UTRN: variants seen among roughly 807,000 people sequenced by gnomAD.
UTRN encodes the protein dystrophin-related protein 1.
In UTRN, 283 loss-of-function variants were observed where a neutral mutation model predicts 463.9. The observed-to-expected ratio is 0.61, with a 90% confidence interval of 0.55 to 0.67. The LOEUF is 0.67. Ranked by LOEUF, UTRN falls within the 30% of genes least tolerant of loss-of-function variation. The pLI is 0.00. For missense variants in UTRN, 3,922 were observed against 4,084.3 expected (o/e 0.96, Z 1.08); for synonymous variants, 1,442 against 1,431.5 (o/e 1.01, Z -0.17).
At chr6:144,808,508 A>G (rs1778340177) in intron 65 of UTRN, among the ~76,000 whole-genome samples, 1 of 152,108 alleles carries the variant, frequency 6.6e-6, no homozygotes, top group African/African-American at 2.4e-5. Flanking sequence ...ATGTTGTTAG[A>G]GCATATAAAA....
intron 2 of UTRN, among the ~76,000 whole-genome samples, chr6:144,305,468 T>C (rs73585088): frequency 0.06 from 9,205 of 152,286 alleles, 911 homozygotes; most frequent in African/African-American, 0.21. Context: ...GAATCTTAAA[T>C]TAATATGAAA....
chr6:144,476,531 T>C (rs1242966354), intron 25 of UTRN, among the ~76,000 whole-genome samples: 1 of 152,190 alleles, frequency 6.6e-6, no homozygotes, highest in Admixed American at 6.5e-5. Flanking sequence ...TGGTGTCATT[T>C]ACTGCAATAA....
chr6:144,765,874 T>A (rs540068688), intron 58 of UTRN, among the ~76,000 whole-genome samples: 12 of 151,602 alleles, frequency 7.9e-5, no homozygotes, highest in African/African-American at 2.9e-4. Flanking sequence ...CTTATTTGAA[T>A]TTTGGACAGA....
At chr6:144,573,662 C>T (rs1801164905) in intron 50 of UTRN, among the ~76,000 whole-genome samples, 1 of 151,930 alleles carries the variant, frequency 6.6e-6, no homozygotes, top group Admixed American at 6.6e-5. Context: ...CACCACTGCA[C>T]TCCAGCCTTG....
At chr6:144,339,438 G>T (rs562041138) in intron 2 of UTRN, among the ~76,000 whole-genome samples, 1 of 152,016 alleles carries the variant, frequency 6.6e-6, no homozygotes, top group East Asian at 1.9e-4. Context: ...CTATAGATTA[G>T]TTCATAGATT....
At chr6:144,811,081 A>C (rs914154014) in intron 65 of UTRN, among the ~76,000 whole-genome samples, 4 of 152,108 alleles carry the variant, frequency 2.6e-5, no homozygotes, top group Non-Finnish European at 5.9e-5. Context: ...AAAAATATCG[A>C]ATTTCTGTTT....
intron 58 of UTRN, 55 bp from the exon 59 acceptor site, chr6:144,771,852 A>G (rs1170042116): frequency 8.3e-6 from 12 of 1,440,688 alleles, no homozygotes; most frequent in Non-Finnish European, 1.1e-5. Context: ...TTTTTGGCCT[A>G]TATGAAGTTT....
chr6:144,795,054 A>T (rs557663638), intron 63 of UTRN, among the ~76,000 whole-genome samples: 36 of 152,050 alleles, frequency 2.4e-4, no homozygotes, highest in Non-Finnish European at 4.3e-4. Context: ...CCAGTGTGTG[A>T]TGTTCCCCTC....
intron 27 of UTRN, among the ~76,000 whole-genome samples, chr6:144,485,182 C>A (rs1369533052): frequency 6.6e-6 from 1 of 152,098 alleles, no homozygotes; most frequent in Non-Finnish European, 1.5e-5. Context: ...CTTCAGCCTC[C>A]CAAAGTGCTG....
At chr6:144,619,038 G>A (rs1775071930) in intron 51 of UTRN, among the ~76,000 whole-genome samples, 2 of 152,088 alleles carry the variant, frequency 1.3e-5, no homozygotes, top group African/African-American at 2.4e-5. Context: ...AGAATCATTC[G>A]ATTTTGCTGA....
At chr6:144,585,834 G>GA (rs1472084426) in intron 51 of UTRN, among the ~76,000 whole-genome samples, 2 of 151,660 alleles carry the variant, frequency 1.3e-5, no homozygotes, top group African/African-American at 4.8e-5. Context: ...TAGTTTCTTA[G>GA]AAAAAAATGC....
intron 50 of UTRN, 46 bp from the exon 51 acceptor site, chr6:144,577,053 C>T: frequency 6.3e-7 from 1 of 1,581,316 alleles, no homozygotes; most frequent in Non-Finnish European, 8.6e-7. Context: ...TGGAATGTCA[C>T]AACACTGTAA....
intron 66 of UTRN, among the ~76,000 whole-genome samples, chr6:144,824,642 C>T (rs753192097): frequency 5.9e-5 from 3 of 50,430 alleles, no homozygotes; most frequent in East Asian, 1.8e-3. Context: ...TTTTTTGAGA[C>T]GGGGTCCAGT....
chr6:144,344,661 G>T (rs1412232028), intron 2 of UTRN, among the ~76,000 whole-genome samples: 1 of 152,208 alleles, frequency 6.6e-6, no homozygotes, highest in Admixed American at 6.5e-5. Context: ...TAGAGAAGAA[G>T]CCTCCTTTGT....
chr6:144,585,330 A>G (rs1472779657), intron 51 of UTRN, among the ~76,000 whole-genome samples: 1 of 152,152 alleles, frequency 6.6e-6, no homozygotes, highest in Non-Finnish European at 1.5e-5. Flanking sequence ...TTGAAATACT[A>G]TCTTCCACGT....
At chr6:144,396,196 T>TA (rs753107808) in intron 2 of UTRN, among the ~76,000 whole-genome samples, 1 of 152,186 alleles carries the variant, frequency 6.6e-6, no homozygotes, top group Admixed American at 6.5e-5. Context: ...TTTACCCTTA[T>TA]AAAAGAATGA....
chr6:144,390,261 A>G (rs944488881), intron 2 of UTRN, among the ~76,000 whole-genome samples: 7 of 152,108 alleles, frequency 4.6e-5, no homozygotes, highest in East Asian at 3.9e-4. Flanking sequence ...TCTCTCTTCA[A>G]TTCAATACCT....
chr6:144,553,506 C>T (rs566130419), intron 48 of UTRN, among the ~76,000 whole-genome samples: 5 of 152,256 alleles, frequency 3.3e-5, no homozygotes, highest in South Asian at 2.1e-4. Context: ...CTTTCAGCAG[C>T]GTGGTTTTAA....
rs147916013 is a variant in UTRN, at chr6:144,740,117, G to T, written c.7940-8129G>T. ...AACTGAGAGTCTGAGAGGCTTAGAG[G>T]CATACTGTCTTCTATGTGACAGAGC... On this transcript the variant is annotated intron_variant, in intron 54 of 74. Transcript: ENST00000367545. Among the ~76,000 whole-genome samples, 308 of 152,248 alleles carry T rather than the reference G, an allele frequency of 2.0e-3. 3 individuals are homozygous for T. The highest frequency in any genetic ancestry group is 7.1e-3 in the African/African-American group (295 of 41,542).
Sources: allele counts gnomAD v4.1 joint callset (sites outside exome capture counted in the v4.1 genomes callset), GRCh38; gene constraint gnomAD v4.1.1; transcripts MANE v1.5; gene names NCBI Gene and HGNC (gene_info 2026-07-23, HGNC 2026-07-21).